ZBTB1: variants seen among roughly 807,000 people sequenced by gnomAD.
The protein encoded by ZBTB1 is zinc finger and BTB domain containing 1.
In ZBTB1, 13 loss-of-function variants were observed where a neutral mutation model predicts 51.6. That is an observed-to-expected ratio of 0.25 (90% CI 0.16 to 0.40). The LOEUF (loss-of-function observed/expected upper bound fraction) is 0.40, where lower values mean the gene tolerates loss of function less well. Ranked by LOEUF, ZBTB1 falls within the 10% of genes least tolerant of loss-of-function variation. The probability of loss-of-function intolerance (pLI) is 1.00; values close to 1 mark genes in which losing one functional copy is unlikely to be tolerated. For synonymous variants in ZBTB1, 240 were observed against 282.2 expected (o/e 0.85, Z 1.50); for missense variants, 567 against 856.5 (o/e 0.66, Z 4.22).
chr14:64,531,863 G>A, exon 3 of ZBTB1: 1 of 1,613,774 alleles, frequency 6.2e-7, no homozygotes, highest in Non-Finnish European at 8.5e-7. Flanking sequence ...TGTGGCAGTG[G>A]TGAAATAGGG....
At chr14:64,528,526 A>T (rs1336671215), downstream of ZBTB1, among the ~76,000 whole-genome samples, 1 of 151,988 alleles carries the variant, frequency 6.6e-6, no homozygotes, top group East Asian at 1.9e-4. Flanking sequence ...GGGGGAACAT[A>T]CCCTTGTAGA....
Position 64,523,346 on chromosome 14 carries a change from G to A in ZBTB1, c.1842G>A (p.Gln614=). The A allele has an allele frequency of 6.2e-7, 1 of 1,614,196 alleles. No homozygotes were observed. The highest frequency in any genetic ancestry group is 8.5e-7 in the Non-Finnish European group (1 of 1,180,018). The change falls in exon 2 of 2, where the codon CAG becomes CAA. Residue 614 remains glutamine (Q), a synonymous_variant. Transcript: ENST00000683701. The surrounding 1 kb of genome is among the most constrained non-coding windows in gnomAD (Gnocchi z 4.5). Reference sequence around the variant, plus strand: ...TTGTTTGTCAAACATGTGGAAAGCAGTTTTTAAGAGAGCGTCAGTTGCGAC... The same window carrying A: ...TTGTTTGTCAAACATGTGGAAAGCAATTTTTAAGAGAGCGTCAGTTGCGAC... ...KQFVCQTCGK[Q]FLRERQLRLH...
In ZBTB1 at chr14:64,522,465, G is replaced by A. The variant is rs148266968; in HGVS notation, c.961G>A (p.Glu321Lys). Residue 321 changes from glutamate to lysine, a missense_variant, in exon 2 of 2, where the codon GAG (glutamate) becomes AAG (lysine). Physicochemically the swap from Glu to Lys is moderately conservative, Grantham distance 56. This residue lies in a region of ZBTB1 where 329 missense variants were observed against 406.3 expected (regional missense o/e 0.81). Transcript: ENST00000683701. ...AAGCGAAGAGAAAAGCAGAGCTGCT[G>A]AGAGGAAAAGGATTATTATTAAGAT... ...IASEEKSRAA[E>K]RKRIIIKMEP... 6.2e-7 allele frequency: 1 copy of A among 1,613,982 alleles called. No homozygotes were observed. The highest frequency in any genetic ancestry group is 1.3e-5 in the African/African-American group (1 of 74,946).
chr14:64,513,329 T>C (rs12586212), intron 1 of ZBTB1, among the ~76,000 whole-genome samples: 26,356 of 152,160 alleles, frequency 0.17, 2,607 homozygotes, highest in Non-Finnish European at 0.22. Context: ...GCCTGGCATA[T>C]AGTGAGACAT....
intron 1 of ZBTB1, among the ~76,000 whole-genome samples, chr14:64,519,617 A>C (rs1045415513): frequency 6.6e-6 from 1 of 151,240 alleles, no homozygotes; most frequent in Non-Finnish European, 1.5e-5. Flanking sequence ...ATTAAAAAAA[A>C]AAAAACAAAA....
chr14:64,531,169 T>A (rs2079939595), intron 2 of ZBTB1, among the ~76,000 whole-genome samples: 1 of 152,212 alleles, frequency 6.6e-6, no homozygotes, highest in African/African-American at 2.4e-5. Flanking sequence ...GAGCTCATTT[T>A]TAGATGATAG....
At chr14:64,509,298 A>C (rs776629020) in intron 1 of ZBTB1, among the ~76,000 whole-genome samples, 48 of 152,168 alleles carry the variant, frequency 3.2e-4, no homozygotes, top group Non-Finnish European at 5.0e-4. Flanking sequence ...TGAGCCTGGA[A>C]GGGCGGAGGT....
downstream of ZBTB1, among the ~76,000 whole-genome samples, chr14:64,525,724 A>G (rs1010013373): frequency 1.1e-4 from 16 of 152,242 alleles, no homozygotes; most frequent in African/African-American, 3.9e-4. Flanking sequence ...AACAGCTAAC[A>G]ATTAGCAAGC....
rs761667712 is a variant in ZBTB1, at chr14:64,522,635, T to A, written c.1131T>A (p.Asp377Glu). The A allele has an allele frequency of 3.7e-6, 6 of 1,614,138 alleles. No homozygotes were observed. The Admixed American group carries it at 1.0e-4, about 27-fold the overall frequency. ...TTTATAGATACTATGTTGAAGAAGA[T>A]GTCAGCATAAAAAAAAGTGGTAGGA... ...EPFYRYYVEEDVSIKKSGRKT... is the reference protein window; with the variant it reads ...EPFYRYYVEEEVSIKKSGRKT... The change falls in exon 2 of 2, where the codon GAT becomes GAA. Residue 377 changes from aspartate (D) to glutamate (E), a missense_variant. Asp to Glu is a conservative substitution (Grantham distance 45, BLOSUM62 2). This residue lies in a region of ZBTB1 where 329 missense variants were observed against 406.3 expected (regional missense o/e 0.81). Coordinates refer to ENST00000683701, the MANE Select transcript of ZBTB1 (RefSeq NM_001123329.2).
chr14:64,520,249 C>T (rs530492382), intron 1 of ZBTB1, among the ~76,000 whole-genome samples: 25 of 152,190 alleles, frequency 1.6e-4, no homozygotes, highest in African/African-American at 5.1e-4. Flanking sequence ...GTGATCCGCC[C>T]GCCTCGGCCT....
rs142434580 is a variant in ZBTB1, at chr14:64,504,887, C to G, written c.-78C>G. ...CCCCTTCGCCTTCGCCCGCCTTTCC[C>G]GCGGCTGATTTGCCTTAAACTCCCT... On this transcript the variant is annotated 5_prime_UTR_variant, in exon 1 of 2. Transcript: ENST00000683701. 6.4e-3 allele frequency: 2,529 copies of G among 396,626 alleles called. 13 individuals are homozygous for G. Among genetic ancestry groups the G allele is most frequent in the Non-Finnish European group, 9.3e-3 (2,094 of 224,672 alleles). 24.6% of individuals were successfully genotyped at this position (396,626 alleles called of 1,614,324 possible). A position where few individuals can be genotyped will look rare whatever the true frequency, so the allele number is the denominator to read the frequency against.
At chr14:64,510,677 A>T (rs554247528) in intron 1 of ZBTB1, among the ~76,000 whole-genome samples, 1 of 152,324 alleles carries the variant, frequency 6.6e-6, no homozygotes, top group East Asian at 1.9e-4. Flanking sequence ...AGCAGGCAGT[A>T]ACTAAACATG....
At chr14:64,531,843 T>C (rs1555349599) in intron 2 of ZBTB1, 1 of 1,613,572 alleles carries the variant, frequency 6.2e-7, no homozygotes, top group Non-Finnish European at 8.5e-7. Flanking sequence ...TTGAGTTTTG[T>C]CTTTTTCTGT....
chr14:64,507,259 C>G (rs946420228), intron 1 of ZBTB1, among the ~76,000 whole-genome samples: 2 of 152,070 alleles, frequency 1.3e-5, no homozygotes, highest in African/African-American at 2.4e-5. Context: ...AATGTTTTCT[C>G]CTGACATTTT....
exon 3 of ZBTB1, chr14:64,532,709 T>C (rs2079951363): frequency 6.6e-6 from 1 of 152,142 alleles, no homozygotes; most frequent in African/African-American, 2.4e-5. Flanking sequence ...TCAATATTTA[T>C]GTATAAACCA....
At chr14:64,510,621 G>A (rs978456628) in intron 1 of ZBTB1, among the ~76,000 whole-genome samples, 1 of 152,194 alleles carries the variant, frequency 6.6e-6, no homozygotes, top group Non-Finnish European at 1.5e-5. Context: ...GGAGGAGGGT[G>A]AAGGTGGTGA....
downstream of ZBTB1, among the ~76,000 whole-genome samples, chr14:64,526,468 G>C (rs1249018495): frequency 1.4e-5 from 2 of 147,770 alleles, no homozygotes; most frequent in African/African-American, 5.0e-5. Flanking sequence ...ATCTAAAAAT[G>C]AAAGGAGAAT....
intron 1 of ZBTB1, among the ~76,000 whole-genome samples, chr14:64,507,827 C>A (rs956451370): frequency 2.0e-5 from 3 of 152,174 alleles, no homozygotes; most frequent in Non-Finnish European, 4.4e-5. Context: ...CAAAAGCAAA[C>A]CCTCACCTTT....
At chr14:64,528,344 C>CTTTTTTTTTTTT (rs71123857), downstream of ZBTB1, among the ~76,000 whole-genome samples, 34 of 115,396 alleles carry the variant, frequency 2.9e-4, no homozygotes, top group East Asian at 7.4e-4. Flanking sequence ...TTTTTCTTTT[C>CTTTTTTTTTTTT]TTTTTTTTTT....
Sources: allele counts gnomAD v4.1 joint callset (sites outside exome capture counted in the v4.1 genomes callset), GRCh38; gene constraint gnomAD v4.1.1; regional missense constraint gnomAD v4.1.1; non-coding constraint Gnocchi (gnomAD v3.1); transcripts MANE v1.5; gene names NCBI Gene and HGNC (gene_info 2026-07-23, HGNC 2026-07-21).